Variants in NIPAL2 observed in about 807,000 individuals in gnomAD.
NIPAL2 encodes the protein NIPA-like protein 2.
In NIPAL2, 43 loss-of-function variants were observed where a neutral mutation model predicts 48.9. The observed-to-expected ratio is 0.88, with a 90% CI of 0.69 to 1.13. NIPAL2 has a LOEUF of 1.13. Among genes scored for constraint, NIPAL2 ranks in the 50% most tolerant of loss-of-function variants. The pLI is 0.00. For missense variants in NIPAL2, 446 were observed against 461.4 expected (o/e 0.97, Z 0.31); for synonymous variants, 167 against 174.6 (o/e 0.96, Z 0.34).
At chr8:98,264,333 T>C (rs1425449599) in intron 1 of NIPAL2, among the ~76,000 whole-genome samples, 1 of 130,030 alleles carries the variant, frequency 7.7e-6, no homozygotes, top group Admixed American at 8.1e-5. Context: ...AAAGAGGAAG[T>C]CAAATTGTCC....
At chr8:98,211,019 C>T (rs1468503411) in intron 6 of NIPAL2, among the ~76,000 whole-genome samples, 3 of 152,014 alleles carry the variant, frequency 2.0e-5, no homozygotes, top group Non-Finnish European at 2.9e-5. Flanking sequence ...TTTATCATGA[C>T]GGGGCTGGGG....
intron 2 of NIPAL2, among the ~76,000 whole-genome samples, chr8:98,253,616 G>A (rs1447693329): frequency 1.3e-5 from 2 of 151,958 alleles, no homozygotes; most frequent in Non-Finnish European, 2.9e-5. Context: ...TTAAAGAAAG[G>A]GGAAAAAAAC....
At chr8:98,217,632 C>A (rs1811640095) in intron 5 of NIPAL2, among the ~76,000 whole-genome samples, 2 of 152,174 alleles carry the variant, frequency 1.3e-5, no homozygotes, top group African/African-American at 4.8e-5. Context: ...GTATAAAATT[C>A]ATCACTTCTA....
At chr8:98,238,390 T>A (rs1361510128) in intron 3 of NIPAL2, among the ~76,000 whole-genome samples, 1 of 152,196 alleles carries the variant, frequency 6.6e-6, no homozygotes, top group Non-Finnish European at 1.5e-5. Flanking sequence ...TAATATCAAA[T>A]TTCCTTTCTC....
At chr8:98,245,922 T>C (rs1400056583) in intron 3 of NIPAL2, among the ~76,000 whole-genome samples, 1 of 152,222 alleles carries the variant, frequency 6.6e-6, no homozygotes, top group Non-Finnish European at 1.5e-5. Flanking sequence ...AGAAAAGTGA[T>C]ATTTTCTGCA....
chr8:98,254,559 A>G (rs61130694), intron 1 of NIPAL2, among the ~76,000 whole-genome samples: 3,850 of 152,298 alleles, frequency 0.025, 147 homozygotes, highest in African/African-American at 0.087. Context: ...GGCCTAAGTA[A>G]AAATGGGATA....
At chr8:98,253,668 C>T (rs976208756) in intron 2 of NIPAL2, among the ~76,000 whole-genome samples, 3 of 152,040 alleles carry the variant, frequency 2.0e-5, no homozygotes, top group Admixed American at 6.6e-5. Flanking sequence ...AAAAAGTGTC[C>T]GAATCCCATC....
At chr8:98,261,303 G>C (rs1416656977) in intron 1 of NIPAL2, among the ~76,000 whole-genome samples, 2 of 142,674 alleles carry the variant, frequency 1.4e-5, no homozygotes, top group African/African-American at 5.2e-5. Context: ...GCTGAGAGAA[G>C]AAGGCTTCAG....
chr8:98,253,459 T>C (rs1813702826), intron 2 of NIPAL2, among the ~76,000 whole-genome samples: 1 of 152,238 alleles, frequency 6.6e-6, no homozygotes, highest in Non-Finnish European at 1.5e-5. Flanking sequence ...CATGATTTGG[T>C]TAAAAATTCA....
intron 4 of NIPAL2, among the ~76,000 whole-genome samples, chr8:98,230,870 A>C (rs558675978): frequency 2.0e-5 from 3 of 152,122 alleles, no homozygotes; most frequent in Admixed American, 6.5e-5. Flanking sequence ...CCGAACTAAA[A>C]CCTGAAATCT....
In NIPAL2 at chr8:98,294,026, C is replaced by A; in HGVS notation, c.112G>T (p.Gly38Cys). 1 of 1,496,564 alleles carries A rather than the reference C, an allele frequency of 6.7e-7. No homozygotes were observed. Among genetic ancestry groups the A allele is most frequent in the Non-Finnish European group, 8.9e-7 (1 of 1,122,800 alleles). The allele number at this position is 1,496,564 out of a possible 1,614,324, so 92.7% of individuals were successfully genotyped here. Residue 38 changes from glycine (G) to cysteine (C), a missense_variant, in exon 1 of 11, where the codon GGC becomes TGC. Transcript: ENST00000430223. ...APGAGNGSLS[G>C]DWYRRNQIHL... is the part of the protein sequence containing the mutation. ...ACCTGGTTCCTGCGGTACCAGTCGC[C>A]CGAGAGGGAGCCGTTGCCGGCGCCT...
chr8:98,194,770 C>T lies in NIPAL2; in HGVS notation c.997G>A (p.Glu333Lys). The T allele has an allele frequency of 1.3e-6, 2 of 1,577,470 alleles. No individual in the cohort carries two copies. Among genetic ancestry groups the T allele is most frequent in the Non-Finnish European group, 1.7e-6 (2 of 1,165,682 alleles). ...TCAATATAAGACTGTTGCAGATGTT[C>T]CTTTTCTCGATTTCTTGTGACCAAA... ...VFLVTRNREK[E>K]HLQQSYIDFG... Residue 333 changes from glutamate (E) to lysine (K), a missense_variant, in exon 10 of 11, where the codon GAA becomes AAA. Glu to Lys is a moderately conservative substitution (Grantham distance 56). Transcript: ENST00000430223.
intron 6 of NIPAL2, among the ~76,000 whole-genome samples, chr8:98,211,034 G>A (rs934524663): frequency 6.6e-6 from 1 of 152,182 alleles, no homozygotes; most frequent in Non-Finnish European, 1.5e-5. Context: ...CTGGGGTTGA[G>A]AGGAGCAGAT....
intron 4 of NIPAL2, among the ~76,000 whole-genome samples, chr8:98,224,321 A>G (rs530152824): frequency 1.6e-4 from 24 of 152,314 alleles, no homozygotes; most frequent in African/African-American, 5.1e-4. Context: ...GCATGTGTGT[A>G]TAAGTGTACA....
At chr8:98,216,988 CAG>C in intron 5 of NIPAL2, 1 of 872,550 alleles carries the variant, frequency 1.1e-6, no homozygotes, top group Non-Finnish European at 1.4e-6. Context: ...AACATGCTAA[CAG>C]AGATGATGAA....
intron 1 of NIPAL2, among the ~76,000 whole-genome samples, chr8:98,289,385 A>G (rs531034161): frequency 6.6e-6 from 1 of 152,288 alleles, no homozygotes; most frequent in African/African-American, 2.4e-5. Flanking sequence ...TGCCACATAT[A>G]CAAGTATATT....
At chr8:98,221,352 C>T (rs1417760510) in intron 5 of NIPAL2, among the ~76,000 whole-genome samples, 3 of 139,602 alleles carry the variant, frequency 2.1e-5, no homozygotes, top group Admixed American at 7.6e-5. Flanking sequence ...TGGCATTGAT[C>T]TCAACAAGGA....
intron 1 of NIPAL2, among the ~76,000 whole-genome samples, chr8:98,285,032 T>A (rs1586489944): frequency 6.6e-6 from 1 of 152,328 alleles, no homozygotes; most frequent in East Asian, 1.9e-4. Context: ...TAGTCACTGC[T>A]TAGGGATGAT....
intron 6 of NIPAL2, among the ~76,000 whole-genome samples, chr8:98,208,164 C>T (rs1036650604): frequency 6.6e-6 from 1 of 152,174 alleles, no homozygotes; most frequent in Non-Finnish European, 1.5e-5. Flanking sequence ...GTATCTTTCT[C>T]TATTTTCGTA....
Sources: gnomAD v4.1 joint callset for allele counts (sites outside exome capture counted in the v4.1 genomes callset) on GRCh38, gnomAD v4.1.1 for gene constraint, MANE v1.5 for transcripts, NCBI Gene and HGNC (gene_info 2026-07-23, HGNC 2026-07-21) for gene names.